The following ZP3 variants were observed in gnomAD, a reference collection of about 807,000 sequenced individuals.
ZP3 encodes the protein zona pellucida sperm-binding protein 3.
In ZP3, 21 loss-of-function variants were observed where a neutral mutation model predicts 35.6. The ratio of observed to expected loss-of-function variants is 0.59; its 90% confidence interval spans 0.42 to 0.85. The LOEUF (loss-of-function observed/expected upper bound fraction) is 0.85. ZP3 is among the 40% of genes least tolerant of loss of function. The pLI is 0.00. For synonymous variants in ZP3, 207 were observed against 214.5 expected, an observed-to-expected ratio of 0.96 and a Z score of 0.31; for missense variants, 437 against 536.5, an observed-to-expected ratio of 0.81 and a Z score of 1.83.
chr7:76,405,308 TA>T (rs1563686929), intron 1 of ZP3, among the ~76,000 whole-genome samples: 22 of 64,392 alleles, frequency 3.4e-4, no homozygotes, highest in African/African-American at 1.5e-3. Context: ...TATATATATA[TA>T]TATATATGTA....
At position 76,402,040 on chromosome 7, in the gene ZP3, GA is replaced by G. The variant is rs916624239; in HGVS notation, c.-67+4244del. 6.7e-4 allele frequency among the ~76,000 whole-genome samples: 101 copies of G among 151,474 alleles called. 1 individual carries two copies. Among genetic ancestry groups the G allele is most frequent in the African/African-American group, 2.4e-3 (97 of 41,150 alleles). On this transcript the variant is annotated intron_variant, in intron 1 of 8. Coordinates refer to the ZP3 transcript ENST00000336517. ...TTCTTCTTCTTCTTCTTCTTTTTAA[GA>G]CAGTGTCTCAGTCTGTCACCCAGCC...
chr7:76,417,572 A>T (rs1353254780), intron 1 of ZP3, among the ~76,000 whole-genome samples: 1 of 151,670 alleles, frequency 6.6e-6, no homozygotes, highest in Non-Finnish European at 1.5e-5. Flanking sequence ...TTGTCTTCCC[A>T]GGTTGACACG....
exon 1 of ZP3, chr7:76,397,571 C>G: frequency 6.2e-7 from 1 of 1,607,678 alleles, no homozygotes; most frequent in Admixed American, 1.7e-5. Context: ...CACACCCCAG[C>G]CCAGGCTCTG....
intron 5 of ZP3, among the ~76,000 whole-genome samples, chr7:76,436,030 CTTTTTT>C (rs60553917): frequency 5.4e-4 from 40 of 74,338 alleles, no homozygotes; most frequent in African/African-American, 9.6e-4. Flanking sequence ...CCCCCGCCCC[CTTTTTT>C]TTTTTTTTTT....
chr7:76,425,228 T>C lies in ZP3; in HGVS notation c.264T>C (p.Asp88=), dbSNP rs1474813116. ...CEPLVSMDTE[D]VVRFEVGLHE... ...CTCTGGTCTCCATGGACACAGAAGA[T>C]GTGGTCAGGTTTGAGGTTGGACTCC... is the stretch of plus-strand genomic sequence containing the variant. The change falls in exon 1 of 8, where the codon GAT becomes GAC. Residue 88 remains aspartate, a synonymous_variant. Transcript: ENST00000394857. 1 of 1,613,592 alleles carries C rather than the reference T, an allele frequency of 6.2e-7. No individual in the cohort carries two copies.
intron 1 of ZP3, among the ~76,000 whole-genome samples, chr7:76,399,924 G>A (rs1454266173): frequency 6.6e-6 from 1 of 152,162 alleles, no homozygotes; most frequent in Non-Finnish European, 1.5e-5. Flanking sequence ...CCAGGAGTTT[G>A]AGGCTGCAGT....
chr7:76,426,898 AC>A (rs1563697887), intron 1 of ZP3, among the ~76,000 whole-genome samples: 5 of 141,166 alleles, frequency 3.5e-5, no homozygotes, highest in East Asian at 2.2e-4. Flanking sequence ...ACACACACAC[AC>A]ACACACACAA....
upstream of ZP3, among the ~76,000 whole-genome samples, chr7:76,421,074 T>G (rs1284045805): frequency 6.6e-6 from 1 of 152,084 alleles, no homozygotes; most frequent in Non-Finnish European, 1.5e-5. Flanking sequence ...TAGCTGGGAT[T>G]ATAGGCGTGT....
chr7:76,435,188 C>T (rs1424514527), intron 5 of ZP3, among the ~76,000 whole-genome samples: 2 of 152,168 alleles, frequency 1.3e-5, no homozygotes, highest in South Asian at 2.1e-4. Context: ...ACTAAAAATA[C>T]AAAAAATTAG....
chr7:76,404,558 G>A (rs1291463943), intron 1 of ZP3: 12 of 1,468,896 alleles, frequency 8.2e-6, no homozygotes, highest in Admixed American at 3.5e-5. Context: ...TTGGGAGGCC[G>A]AGGTGGGAGG....
chr7:76,413,422 C>T (rs961456968), intron 1 of ZP3, among the ~76,000 whole-genome samples: 3 of 151,900 alleles, frequency 2.0e-5, no homozygotes, highest in African/African-American at 7.3e-5. Context: ...GCCACCACAA[C>T]TTGCTAATTT....
upstream of ZP3, among the ~76,000 whole-genome samples, chr7:76,422,398 G>T (rs1472883829): frequency 6.6e-6 from 1 of 152,058 alleles, no homozygotes; most frequent in Non-Finnish European, 1.5e-5. Context: ...ACATGAGGTG[G>T]CCAGGCGCGG....
Position 76,400,552 on chromosome 7 carries a change from C to T in ZP3, c.-67+2755C>T, listed in dbSNP as rs746892123. 21 of 1,517,478 alleles carry T rather than the reference C, an allele frequency of 1.4e-5. No individual in the cohort carries two copies. The highest frequency in any genetic ancestry group is 4.2e-5 in the African/African-American group (3 of 71,548). 94.0% of individuals were successfully genotyped at this position (1,517,478 alleles called of 1,614,324 possible). A position where few individuals can be genotyped will look rare whatever the true frequency, so the allele number is the denominator to read the frequency against. Reference sequence around the variant, plus strand: ...GGAGCCACCGTGCATGACTTCCAGGCGGCCCCGGCAGCGGCTGGGGCCCCC... The same window carrying T: ...GGAGCCACCGTGCATGACTTCCAGGTGGCCCCGGCAGCGGCTGGGGCCCCC... On this transcript the variant is annotated intron_variant, in intron 1 of 8. Coordinates refer to the ZP3 transcript ENST00000336517.
upstream of ZP3, among the ~76,000 whole-genome samples, chr7:76,423,546 TTAAG>T (rs1258583191): frequency 1.3e-5 from 2 of 152,174 alleles, no homozygotes; most frequent in Non-Finnish European, 2.9e-5. Context: ...TGGGATTCTC[TTAAG>T]TAATAGGCAT....
chr7:76,426,507 C>T (rs1805656680), intron 1 of ZP3, among the ~76,000 whole-genome samples: 1 of 151,690 alleles, frequency 6.6e-6, no homozygotes, highest in Non-Finnish European at 1.5e-5. Context: ...CTGTGGTCTC[C>T]TGGGCTCTCT....
chr7:76,433,139 T>TTTTGGTTGGG, intron 3 of ZP3, 109 bp downstream of exon 3: 1 of 651,528 alleles, frequency 1.5e-6, no homozygotes, highest in Non-Finnish European at 2.6e-6. Context: ...TTTTGGTTGG[T>TTTTGGTTGGG]TTTGGTTGGT....
intron 5 of ZP3, among the ~76,000 whole-genome samples, chr7:76,438,565 G>A (rs1341644693): frequency 1.1e-4 from 16 of 145,614 alleles, no homozygotes; most frequent in Non-Finnish European, 2.4e-4. Context: ...AAAGGGTAGC[G>A]GGGCAGTGCT....
At chr7:76,434,547 A>G (rs1401436944) in intron 5 of ZP3, among the ~76,000 whole-genome samples, 50 of 132,802 alleles carry the variant, frequency 3.8e-4, no homozygotes, top group African/African-American at 1.3e-3. Flanking sequence ...CTGAAGCAGG[A>G]GAATAGCTTG....
At chr7:76,423,023 GAGAGAA>G (rs752228045), upstream of ZP3, among the ~76,000 whole-genome samples, 1,070 of 98,734 alleles carry the variant, frequency 0.011, 10 homozygotes, top group Middle Eastern at 0.018. Context: ...GAGAGAGAGA[GAGAGAA>G]AGAAAGAAAG....
Sources: gnomAD v4.1 joint callset for allele counts (sites outside exome capture counted in the v4.1 genomes callset) on GRCh38, gnomAD v4.1.1 for gene constraint, MANE v1.5 for transcripts, NCBI Gene and HGNC (gene_info 2026-07-23, HGNC 2026-07-21) for gene names.